The following MEGF6 variants were observed in gnomAD, a reference collection of about 807,000 sequenced individuals.
MEGF6 encodes multiple EGF like domains 6.
MEGF6 carries 184 observed loss-of-function variants against 207.1 expected under a neutral mutation model. The ratio of observed to expected loss-of-function variants is 0.89; its 90% CI spans 0.79 to 1.00. The LOEUF (loss-of-function observed/expected upper bound fraction) is 1.00. MEGF6 is among the 50% of genes least tolerant of loss of function. MEGF6 has a pLI of 0.00. For synonymous variants in MEGF6, 1,038 were observed against 910.0 expected (o/e 1.14, Z -2.53); for missense variants, 2,282 against 2,202.9 (o/e 1.04, Z -0.72).
rs563083797 is a variant in MEGF6 at position 3,507,791 on chromosome 1, G to T, written c.1789+4C>A. On this transcript the variant is annotated splice_donor_region_variant and intron_variant, in intron 14 of 36. Coordinates refer to ENST00000356575, the MANE Select transcript of MEGF6 (RefSeq NM_001409.4). ...CCAGAAGCACCAGAAGAGGCTGCAC[G>T]CACCATCCTCACAGTTAGTTCCACT... 1.2e-6 allele frequency: 2 copies of T among 1,612,712 alleles called. No individual in the cohort carries two copies. The highest frequency in any genetic ancestry group is 1.7e-6 in the Non-Finnish European group (2 of 1,179,850).
In MEGF6 at chr1:3,579,930, C is replaced by T; in HGVS notation, c.377-1G>A. On this transcript the variant is annotated splice_acceptor_variant, in intron 3 of 36. Transcript: ENST00000356575. LOFTEE classifies it high-confidence loss of function. ...AAACAGAGGCTGGCGCTGCATTCAG[C>T]TGCGGAGGGAAGGAGAAAATCGGTG... 1 of 1,520,446 alleles carries T rather than the reference C, an allele frequency of 6.6e-7. No individual in the cohort carries two copies. Among genetic ancestry groups the T allele is most frequent in the South Asian group, 1.3e-5 (1 of 77,558 alleles). 94.2% of individuals were successfully genotyped at this position (1,520,446 alleles called of 1,614,324 possible). A position where few individuals can be genotyped will look rare whatever the true frequency, so the allele number is the denominator to read the frequency against.
chr1:3,507,388 C>A (rs1366126581), intron 14 of MEGF6, among the ~76,000 whole-genome samples: 1 of 152,200 alleles, frequency 6.6e-6, no homozygotes, highest in South Asian at 2.1e-4. Context: ...CCAACATCAT[C>A]CCTTGCAGCC....
Position 3,595,356 on chromosome 1 carries a change from C to T in MEGF6, c.358G>A (p.Glu120Lys), listed in dbSNP as rs568012260. 31 of 1,611,744 alleles carry T rather than the reference C, an allele frequency of 1.9e-5. No individual in the cohort carries two copies. The highest frequency in any genetic ancestry group is 1.9e-4 in the South Asian group (17 of 91,060). ...CACTCACCCGAGAGGCAGCCCTCCT[C>T]GTCGGGCTGCTGCATCCACCCTCGG... is the stretch of plus-strand genomic sequence containing the variant. ...CCRGWMQQPD[E>K]EGCLSAECSA... The change falls in exon 3 of 37, where the codon GAG becomes AAG. Residue 120 changes from glutamate (E) to lysine (K), a missense_variant. Glu to Lys is a moderately conservative substitution (Grantham distance 56). Coordinates refer to ENST00000356575, the MANE Select transcript of MEGF6 (RefSeq NM_001409.4).
intron 3 of MEGF6, among the ~76,000 whole-genome samples, chr1:3,591,967 T>A (rs1643987297): frequency 6.6e-6 from 1 of 152,160 alleles, no homozygotes; most frequent in Non-Finnish European, 1.5e-5. Context: ...TGTTTTCCAC[T>A]CTTGGCTGCT....
In MEGF6 at chr1:3,556,761, A is replaced by C. The variant is rs896788562; in HGVS notation, c.481+23064T>G. Reference sequence around the variant, plus strand: ...GAGCAGAAGAGGCTCCAGTGAAAACACAAGGATGCAGGTACTTCACGTCCC... The same window carrying C: ...GAGCAGAAGAGGCTCCAGTGAAAACCCAAGGATGCAGGTACTTCACGTCCC... On this transcript the variant is annotated intron_variant, in intron 4 of 36. Coordinates refer to ENST00000356575, the MANE Select transcript of MEGF6 (RefSeq NM_001409.4). The surrounding 1 kb of genome is among the most constrained non-coding windows in gnomAD (Gnocchi z 4.4). Among the ~76,000 whole-genome samples, 18 of 152,316 alleles carry C rather than the reference A, an allele frequency of 1.2e-4. No homozygotes were observed. Among genetic ancestry groups the C allele is most frequent in the African/African-American group, 4.3e-4 (18 of 41,574 alleles).
At position 3,497,046 on chromosome 1, in the gene MEGF6, G is replaced by A. The variant is rs1557715888; in HGVS notation, c.3555C>T (p.His1185=). The change falls in exon 28 of 37, where the codon CAC becomes CAT. Residue 1185 remains histidine (H), a synonymous_variant. Coordinates refer to ENST00000356575, the MANE Select transcript of MEGF6 (RefSeq NM_001409.4). ...CQCPGENPAC[H]PATGTCSCAA... ...CACATGAGCAGGTCCCGGTGGCAGG[G>A]TGGCAGGCCGGGTTCTCACCGGGAC... 1.9e-6 allele frequency: 3 copies of A among 1,555,902 alleles called. No homozygotes were observed. The highest frequency in any genetic ancestry group is 2.6e-6 in the Non-Finnish European group (3 of 1,150,466).
Position 3,565,295 on chromosome 1 carries a change from A to G in MEGF6, c.481+14530T>C. On this transcript the variant is annotated intron_variant, in intron 4 of 36. Transcript: ENST00000356575. The surrounding 1 kb of genome is among the most constrained non-coding windows in gnomAD (Gnocchi z 4.8). ...GGCATCAGCAGTGGGTGAGAAACAC[A>G]CGTGCAGAGCCCATCCCCAGACCCC... Among the ~76,000 whole-genome samples the G allele has an allele frequency of 6.7e-6, 1 of 149,736 alleles. No homozygotes were observed. Among genetic ancestry groups the G allele is most frequent in the South Asian group, 2.1e-4 (1 of 4,762 alleles).
rs985636509 is a variant in MEGF6, at chr1:3,491,338, G to A, written c.4517-379C>T. 4.6e-5 allele frequency among the ~76,000 whole-genome samples: 7 copies of A among 151,996 alleles called. No individual in the cohort carries two copies. The South Asian group carries it at 6.2e-4, about 14-fold the overall frequency. On this transcript the variant is annotated intron_variant, in intron 35 of 36. Coordinates refer to ENST00000356575, the MANE Select transcript of MEGF6 (RefSeq NM_001409.4). ...GCTCAATGTCAAGGCACTGCCCCCG[G>A]CACCCGGCACCCAGCGCAGGTGCCG...
At chr1:3,548,441 G>A (rs1642785564) in intron 4 of MEGF6, among the ~76,000 whole-genome samples, 1 of 152,272 alleles carries the variant, frequency 6.6e-6, no homozygotes, top group South Asian at 2.1e-4. Context: ...CAGCCCTGCG[G>A]AGGTCCATGG....
intron 4 of MEGF6, among the ~76,000 whole-genome samples, chr1:3,538,696 CTGTGTGTGTGTGTGTGTGTGTG>C (rs57325073): frequency 0.047 from 6,157 of 132,102 alleles, 182 homozygotes; most frequent in Non-Finnish European, 0.068. Flanking sequence ...GAGCATGTGC[CTGTGTGTGTGTGTGTGTGTGTG>C]TGTGTGTGTG....
At chr1:3,615,981 TA>T (rs1178130959), upstream of MEGF6, among the ~76,000 whole-genome samples, 10 of 152,184 alleles carry the variant, frequency 6.6e-5, no homozygotes, top group African/African-American at 9.7e-5. Flanking sequence ...AAAGCATTAC[TA>T]AAAGACACTA....
At chr1:3,580,181 C>T (rs1476409175) in intron 3 of MEGF6, among the ~76,000 whole-genome samples, 1 of 151,494 alleles carries the variant, frequency 6.6e-6, no homozygotes, top group Non-Finnish European at 1.5e-5. Flanking sequence ...ACTCACTTCA[C>T]CTAGATGGGG....
At chr1:3,596,155 C>T (rs1644061641) in intron 2 of MEGF6, among the ~76,000 whole-genome samples, 1 of 152,034 alleles carries the variant, frequency 6.6e-6, no homozygotes, top group South Asian at 2.1e-4. Flanking sequence ...GAGGGCTTCC[C>T]GGAGGCAGTG....
At chr1:3,543,618 G>A (rs868316162) in intron 4 of MEGF6, among the ~76,000 whole-genome samples, 12 of 152,220 alleles carry the variant, frequency 7.9e-5, no homozygotes, top group Admixed American at 2.0e-4. Context: ...AGGAAGCGTC[G>A]GCACTGCTGG....
At chr1:3,521,816 T>C (rs1323708391) in intron 5 of MEGF6, among the ~76,000 whole-genome samples, 2 of 152,138 alleles carry the variant, frequency 1.3e-5, no homozygotes, top group Admixed American at 6.5e-5. Context: ...GAGGCCACCA[T>C]GGGCAAGGGA....
At chr1:3,587,190 A>G (rs1250697469) in intron 3 of MEGF6, among the ~76,000 whole-genome samples, 1 of 152,210 alleles carries the variant, frequency 6.6e-6, no homozygotes, top group Non-Finnish European at 1.5e-5. Flanking sequence ...AACACAAACA[A>G]GCACACTCTC....
intron 4 of MEGF6, among the ~76,000 whole-genome samples, chr1:3,529,276 G>A (rs1642067470): frequency 6.6e-6 from 1 of 152,154 alleles, no homozygotes; most frequent in Admixed American, 6.5e-5. Flanking sequence ...GAGGTTAGCG[G>A]GGCCCCAGCA....
chr1:3,604,437 G>A (rs973028373), intron 1 of MEGF6, among the ~76,000 whole-genome samples: 2 of 152,150 alleles, frequency 1.3e-5, no homozygotes, highest in African/African-American at 2.4e-5. Flanking sequence ...AGAAGCCTCC[G>A]CAGCAATGGG....
intron 3 of MEGF6, among the ~76,000 whole-genome samples, chr1:3,586,699 G>T (rs556531342): frequency 6.6e-6 from 1 of 152,204 alleles, no homozygotes; most frequent in East Asian, 1.9e-4. Flanking sequence ...AGCAAATGGC[G>T]GAGGCAGGAA....
Sources: allele counts gnomAD v4.1 joint callset (sites outside exome capture counted in the v4.1 genomes callset), GRCh38; gene constraint gnomAD v4.1.1; non-coding constraint Gnocchi (gnomAD v3.1); transcripts MANE v1.5; gene names NCBI Gene and HGNC (gene_info 2026-07-23, HGNC 2026-07-21).